Variants in COLEC11 observed in about 807,000 individuals in gnomAD.
COLEC11 encodes the protein collectin subfamily member 11.
A neutral mutation model predicts 27.3 loss-of-function variants in COLEC11; 20 were observed. That is an observed-to-expected ratio of 0.73 (90% CI 0.51 to 1.06). The LOEUF is 1.06. COLEC11 is among the 50% of genes least tolerant of loss of function. The probability of loss-of-function intolerance (pLI) is 0.00; values close to 1 mark genes in which losing one functional copy is unlikely to be tolerated. For synonymous variants in COLEC11, 163 were observed against 154.7 expected (o/e 1.05, Z -0.40); for missense variants, 310 against 383.0 (o/e 0.81, Z 1.59).
chr2:3,608,263 G>A (rs1235993739), intron 2 of COLEC11, among the ~76,000 whole-genome samples: 5 of 152,184 alleles, frequency 3.3e-5, no homozygotes, highest in African/African-American at 4.8e-5. Flanking sequence ...AGAGAGCTGC[G>A]TTGTGGTGAT....
intron 2 of COLEC11, among the ~76,000 whole-genome samples, chr2:3,606,646 C>T (rs999304391): frequency 6.6e-6 from 1 of 152,178 alleles, no homozygotes; most frequent in African/African-American, 2.4e-5. Flanking sequence ...GTGCAGGCAG[C>T]GAGCCCGACC....
At position 3,631,578 on chromosome 2, in the gene COLEC11, G is replaced by A. The variant is rs1665003642; in HGVS notation, c.203-5955G>A. On this transcript the variant is annotated intron_variant, in intron 3 of 6. Coordinates refer to ENST00000349077, the MANE Select transcript of COLEC11 (RefSeq NM_024027.5). ...TCCAAGCTATGGGTTTAGGGCAGAAGGGAATAAGGAGGGACGGGAGGGTTT... is the reference window on the plus strand; with the variant it reads ...TCCAAGCTATGGGTTTAGGGCAGAAAGGAATAAGGAGGGACGGGAGGGTTT... 2.0e-5 allele frequency among the ~76,000 whole-genome samples: 3 copies of A among 152,208 alleles called. No individual in the cohort carries two copies. In the South Asian group the frequency reaches 6.2e-4, roughly 31 times the overall value.
At chr2:3,620,460 T>C (rs918634851) in intron 3 of COLEC11, among the ~76,000 whole-genome samples, 1 of 152,106 alleles carries the variant, frequency 6.6e-6, no homozygotes, top group African/African-American at 2.4e-5. Flanking sequence ...TAGCTAAAGG[T>C]TCGTCAATTT....
chr2:3,611,314 C>T (rs573459704), intron 2 of COLEC11, among the ~76,000 whole-genome samples: 4 of 152,248 alleles, frequency 2.6e-5, no homozygotes, highest in East Asian at 1.9e-4. Context: ...CGCCTTTCTG[C>T]GGAGTGGCTC....
At chr2:3,607,069 C>T (rs1662770131) in intron 2 of COLEC11, among the ~76,000 whole-genome samples, 2 of 152,298 alleles carry the variant, frequency 1.3e-5, no homozygotes, top group South Asian at 2.1e-4. Context: ...ACAGCACGCG[C>T]CGCCCCCCCA....
At chr2:3,636,254 A>G (rs894644658) in intron 3 of COLEC11, among the ~76,000 whole-genome samples, 1 of 152,210 alleles carries the variant, frequency 6.6e-6, no homozygotes, top group Non-Finnish European at 1.5e-5. Context: ...CAGGAGATCG[A>G]GACCATCCTG....
In COLEC11 at chr2:3,644,108, A is replaced by G; in HGVS notation, c.806A>G (p.Glu269Gly). ...TMYFMCEFDK[E>G]NM is the part of the protein sequence containing the mutation. ...TACTTCATGTGTGAGTTTGACAAGG[A>G]GAACATGTGAGCCTCAGGCTGGGGC... Residue 269 changes from glutamate to glycine, a missense_variant, in exon 7 of 7, where the codon GAG (glutamate) becomes GGG (glycine). Coordinates refer to ENST00000349077, the MANE Select transcript of COLEC11 (RefSeq NM_024027.5). 1 of 1,611,154 alleles carries G rather than the reference A, an allele frequency of 6.2e-7. No homozygotes were observed. The highest frequency in any genetic ancestry group is 8.5e-7 in the Non-Finnish European group (1 of 1,180,028).
rs1026486248 is a variant in COLEC11 at position 3,644,139 on chromosome 2, A to G, written c.*21A>G. On this transcript the variant is annotated 3_prime_UTR_variant, in exon 7 of 7. Coordinates refer to ENST00000349077, the MANE Select transcript of COLEC11 (RefSeq NM_024027.5). ...TGTGAGCCTCAGGCTGGGGCTGCCC[A>G]TTGGGGGCCCCACATGTCCCTGCAG... 8.7e-6 allele frequency: 14 copies of G among 1,604,050 alleles called. No individual in the cohort carries two copies. Among genetic ancestry groups the G allele is most frequent in the Non-Finnish European group, 1.2e-5 (14 of 1,179,990 alleles).
chr2:3,619,815 G>A (rs1182079359), intron 3 of COLEC11, among the ~76,000 whole-genome samples: 2 of 152,162 alleles, frequency 1.3e-5, no homozygotes, highest in African/African-American at 4.8e-5. Context: ...TAGTAGAGAT[G>A]AGGTTTCACC....
At chr2:3,597,732 G>C (rs1205041925) in intron 1 of COLEC11, among the ~76,000 whole-genome samples, 3 of 151,506 alleles carry the variant, frequency 2.0e-5, no homozygotes, top group Non-Finnish European at 2.9e-5. Context: ...AGTGAGGTTC[G>C]ACTTGCGTAC....
chr2:3,641,718 A>G (rs1483277623), intron 5 of COLEC11, among the ~76,000 whole-genome samples: 1 of 152,066 alleles, frequency 6.6e-6, no homozygotes, highest in Non-Finnish European at 1.5e-5. Flanking sequence ...GTGTGAGTGG[A>G]GGGGGGGTGT....
chr2:3,638,707 G>A (rs1013420967), intron 4 of COLEC11, among the ~76,000 whole-genome samples: 8 of 152,204 alleles, frequency 5.3e-5, no homozygotes, highest in Non-Finnish European at 7.3e-5. Context: ...TGGAAAACCC[G>A]TGAGAGGCAC....
intron 2 of COLEC11, chr2:3,605,989 T>C: frequency 7.1e-7 from 1 of 1,403,808 alleles, no homozygotes. Context: ...TAAATGTACC[T>C]GCTTTAGAAA....
At position 3,603,716 on chromosome 2, in the gene COLEC11, C is replaced by T. The variant is rs745976413; in HGVS notation, c.-26-599C>T. 1.2e-4 allele frequency: 180 copies of T among 1,537,734 alleles called. 2 individuals carry two copies. Among genetic ancestry groups the T allele is most frequent in the Non-Finnish European group, 1.5e-4 (174 of 1,135,160 alleles). ...GTCAGATGTCCATGACACCCCTCTT[C>T]CTATGGGCTCGGCCCCCACCTCCCC... On this transcript the variant is annotated intron_variant, in intron 1 of 6. Transcript: ENST00000349077.
At chr2:3,598,511 T>C (rs916738787) in intron 1 of COLEC11, among the ~76,000 whole-genome samples, 3 of 152,246 alleles carry the variant, frequency 2.0e-5, no homozygotes, top group Admixed American at 6.5e-5. Flanking sequence ...TTTACGAAGC[T>C]GTAGCTTGCA....
intron 3 of COLEC11, among the ~76,000 whole-genome samples, chr2:3,629,912 G>A (rs1256250058): frequency 6.6e-6 from 1 of 152,186 alleles, no homozygotes; most frequent in Admixed American, 6.5e-5. Flanking sequence ...TTATGTATGT[G>A]TATATGGGCA....
At chr2:3,615,866 C>G (rs79019520) in intron 3 of COLEC11, among the ~76,000 whole-genome samples, 16,204 of 131,738 alleles carry the variant, frequency 0.12, 1,151 homozygotes, top group Non-Finnish European at 0.16. Context: ...CCCCCCACCT[C>G]CCTCCCGGAC....
intron 1 of COLEC11, chr2:3,603,747 C>T: frequency 7.2e-7 from 1 of 1,384,686 alleles, no homozygotes. Flanking sequence ...TCCCCAGGCC[C>T]CTGGGTTCCT....
intron 3 of COLEC11, among the ~76,000 whole-genome samples, chr2:3,629,764 C>T (rs943453227): frequency 2.0e-5 from 3 of 152,084 alleles, no homozygotes; most frequent in East Asian, 1.9e-4. Flanking sequence ...AGCCAGGCCA[C>T]GGGTCCAGAG....
Sources: gnomAD v4.1 joint callset for allele counts (sites outside exome capture counted in the v4.1 genomes callset) on GRCh38, gnomAD v4.1.1 for gene constraint, MANE v1.5 for transcripts, NCBI Gene and HGNC (gene_info 2026-07-23, HGNC 2026-07-21) for gene names.